The following CNTN1 variants were observed in gnomAD, a reference collection of about 807,000 sequenced individuals.
The protein encoded by CNTN1 is contactin-1.
A neutral mutation model predicts 126.4 loss-of-function variants in CNTN1; 38 were observed. That is an observed-to-expected ratio of 0.30 (90% CI 0.23 to 0.39). The LOEUF (loss-of-function observed/expected upper bound fraction) is 0.39, where lower values mean the gene tolerates loss of function less well. Ranked by LOEUF, CNTN1 falls within the 10% of genes least tolerant of loss-of-function variation. The pLI is 1.00. For synonymous variants in CNTN1, 413 were observed against 422.6 expected (o/e 0.98, Z 0.28); for missense variants, 1,009 against 1,248.4 (o/e 0.81, Z 2.89).
intron 20 of CNTN1, among the ~76,000 whole-genome samples, chr12:41,021,290 C>T (rs1218874126): frequency 6.6e-6 from 1 of 152,050 alleles, no homozygotes; most frequent in Non-Finnish European, 1.5e-5. Flanking sequence ...CCACACATCA[C>T]AGACTTCCCT....
chr12:40,912,039 A>G, intron 3 of CNTN1, among the ~76,000 whole-genome samples: 1 of 152,240 alleles, frequency 6.6e-6, no homozygotes, highest in Non-Finnish European at 1.5e-5. Context: ...GTTATATCCA[A>G]TATGTCATCC....
chr12:40,813,047 C>CTTTCTTTCTTTCTTTCTTTCTTTCTTTCT (rs1565773047), intron 1 of CNTN1, among the ~76,000 whole-genome samples: 17 of 106,112 alleles, frequency 1.6e-4, no homozygotes, highest in African/African-American at 6.2e-4. Flanking sequence ...TCCTTTCTTT[C>CTTTCTTTCTTTCTTTCTTTCTTTCTTTCT]TTTCTTTCTT....
intron 1 of CNTN1, among the ~76,000 whole-genome samples, chr12:40,874,709 C>A (rs1344549024): frequency 1.3e-5 from 2 of 152,106 alleles, no homozygotes; most frequent in African/African-American, 4.8e-5. Flanking sequence ...AATGAAACTA[C>A]AGTTCATTCA....
chr12:40,876,029 A>G (rs1943656081), intron 1 of CNTN1, among the ~76,000 whole-genome samples: 1 of 152,028 alleles, frequency 6.6e-6, no homozygotes, highest in Non-Finnish European at 1.5e-5. Context: ...TTTATCTCCA[A>G]TAATGATTTT....
At position 40,877,910 on chromosome 12, in the gene CNTN1, C is replaced by G. The variant is rs930784915; in HGVS notation, c.-76-30447C>G. Among the ~76,000 whole-genome samples the G allele has an allele frequency of 5.3e-5, 8 of 151,248 alleles. No individual in the cohort carries two copies. In the East Asian group the frequency reaches 5.8e-4, roughly 11 times the overall value. Reference sequence around the variant, plus strand: ...CTGTCCCTGTAAACTTTCCCCTCATCATCTGATGCCTAATATATTGAAGTC... The same window carrying G: ...CTGTCCCTGTAAACTTTCCCCTCATGATCTGATGCCTAATATATTGAAGTC... On this transcript the variant is annotated intron_variant, in intron 1 of 23. Transcript: ENST00000551295.
Position 40,914,090 on chromosome 12 carries a change from C to G in CNTN1, c.94+3985C>G, listed in dbSNP as rs964059491. Among the ~76,000 whole-genome samples, 2 of 152,030 alleles carry G rather than the reference C, an allele frequency of 1.3e-5. 1 individual carries two copies. Among genetic ancestry groups the G allele is most frequent in the Admixed American group, 1.3e-4 (2 of 15,258 alleles). ...AAAATAATTTTAGTTTTTAAAAACA[C>G]AATCTCTATCTGTGGTTTGTTTCTT... is the stretch of plus-strand genomic sequence containing the variant. On this transcript the variant is annotated intron_variant, in intron 3 of 23. Coordinates refer to ENST00000551295, the MANE Select transcript of CNTN1 (RefSeq NM_001843.4).
At chr12:40,709,787 T>A (rs1294079630) in intron 1 of CNTN1, among the ~76,000 whole-genome samples, 1 of 152,160 alleles carries the variant, frequency 6.6e-6, no homozygotes, top group East Asian at 1.9e-4. Context: ...TTAGCATTCA[T>A]ACAATGGAAG....
intron 18 of CNTN1, among the ~76,000 whole-genome samples, chr12:41,015,254 A>C (rs1948754284): frequency 6.6e-6 from 1 of 152,190 alleles, no homozygotes; most frequent in Non-Finnish European, 1.5e-5. Flanking sequence ...ACTGCCAATG[A>C]AATGTCCAAA....
chr12:40,862,358 C>G (rs974559965), intron 1 of CNTN1, among the ~76,000 whole-genome samples: 1 of 152,184 alleles, frequency 6.6e-6, no homozygotes, highest in South Asian at 2.1e-4. Context: ...TAACAGGTCA[C>G]GGACTGGTAC....
chr12:40,974,887 T>C (rs966383876), intron 15 of CNTN1, among the ~76,000 whole-genome samples: 2 of 152,090 alleles, frequency 1.3e-5, no homozygotes, highest in Admixed American at 1.3e-4. Context: ...AAATTTCCCC[T>C]TTTTGAATGA....
Position 40,850,220 on chromosome 12 carries a change from A to G in CNTN1, c.-76-58137A>G, listed in dbSNP as rs549014737. Among the ~76,000 whole-genome samples the G allele has an allele frequency of 4.6e-5, 7 of 152,238 alleles. No individual in the cohort carries two copies. The South Asian group carries it at 1.4e-3, about 32-fold the overall frequency. The stretch of plus-strand genomic sequence containing the variant: ...CCCTGTAAACCTACCTATATTGCTC[A>G]TTATGAAATTAACTTATGACAAATC... On this transcript the variant is annotated intron_variant, in intron 1 of 23. Transcript: ENST00000551295.
At chr12:41,037,900 A>G (rs935238160) in intron 23 of CNTN1, among the ~76,000 whole-genome samples, 10 of 152,098 alleles carry the variant, frequency 6.6e-5, no homozygotes, top group African/African-American at 2.4e-4. Context: ...GCTCATGCCT[A>G]TAGTCCCAGC....
At chr12:40,922,523 T>C (rs1046278689) in intron 5 of CNTN1, 95 bp downstream of exon 5, 4 of 1,153,164 alleles carry the variant, frequency 3.5e-6, no homozygotes, top group African/African-American at 3.0e-5. Flanking sequence ...GAAGGCATCA[T>C]AGATGAGGTG....
At chr12:40,770,308 T>A (rs1939287851) in intron 1 of CNTN1, among the ~76,000 whole-genome samples, 1 of 152,146 alleles carries the variant, frequency 6.6e-6, no homozygotes, top group Non-Finnish European at 1.5e-5. Flanking sequence ...AGGCCCAGGG[T>A]TGCATTCAGA....
At chr12:40,766,165 C>T (rs534125150) in intron 1 of CNTN1, among the ~76,000 whole-genome samples, 10 of 152,204 alleles carry the variant, frequency 6.6e-5, no homozygotes, top group African/African-American at 2.4e-4. Flanking sequence ...CGAGATCAGT[C>T]TGGCCATCAT....
chr12:40,731,019 A>G (rs1356336938), intron 1 of CNTN1, among the ~76,000 whole-genome samples: 1 of 152,134 alleles, frequency 6.6e-6, no homozygotes, highest in Non-Finnish European at 1.5e-5. Context: ...AATTAAACAA[A>G]CTAAGCATTA....
intron 1 of CNTN1, among the ~76,000 whole-genome samples, chr12:40,746,736 C>G (rs116146904): frequency 0.022 from 3,280 of 152,066 alleles, 116 homozygotes; most frequent in African/African-American, 0.075. Context: ...GGTGTAGGCA[C>G]GTTCACATGA....
intron 14 of CNTN1, among the ~76,000 whole-genome samples, chr12:40,948,258 CTTTTTTTTTTTTTTT>C (rs58087551): frequency 3.2e-5 from 2 of 62,694 alleles, no homozygotes; most frequent in African/African-American, 1.3e-4. Context: ...TTCTTTCTTT[CTTTTTTTTTTTTTTT>C]TTTTTTTTGA....
intron 17 of CNTN1, among the ~76,000 whole-genome samples, chr12:41,011,788 C>T (rs1426923519): frequency 6.6e-6 from 1 of 152,146 alleles, no homozygotes; most frequent in Admixed American, 6.5e-5. Context: ...TATTATGGCC[C>T]ATGCTAAAGT....
Sources: allele counts gnomAD v4.1 joint callset (sites outside exome capture counted in the v4.1 genomes callset), GRCh38; gene constraint gnomAD v4.1.1; transcripts MANE v1.5; gene names NCBI Gene and HGNC (gene_info 2026-07-23, HGNC 2026-07-21).